Variants in FNDC3B observed in about 807,000 individuals in gnomAD.
The protein encoded by FNDC3B is fibronectin type III domain containing 3B.
In FNDC3B, 12 loss-of-function variants were observed where a neutral mutation model predicts 151.5. The ratio of observed to expected loss-of-function variants is 0.08; its 90% CI spans 0.05 to 0.13. FNDC3B has a LOEUF of 0.13. Among genes scored for constraint, FNDC3B ranks in the 10% least tolerant of loss-of-function variants. The pLI, the probability that FNDC3B is intolerant of heterozygous loss-of-function variation, is 1.00. For synonymous variants in FNDC3B, 528 were observed against 549.0 expected (o/e 0.96, Z 0.54); for missense variants, 1,214 against 1,505.3 (o/e 0.81, Z 3.20).
chr3:172,241,363 T>G (rs1908484), intron 4 of FNDC3B, among the ~76,000 whole-genome samples: 17,148 of 152,180 alleles, frequency 0.11, 1,840 homozygotes, highest in African/African-American at 0.29. Flanking sequence ...ATTAGTTGGT[T>G]TCTTCTAAGG....
At chr3:172,256,251 G>A (rs1263792077) in intron 6 of FNDC3B, among the ~76,000 whole-genome samples, 2 of 152,138 alleles carry the variant, frequency 1.3e-5, no homozygotes, top group African/African-American at 4.8e-5. Flanking sequence ...CTCCAACTCA[G>A]GCCTTCAAGA....
At chr3:172,188,510 A>G (rs911224147) in intron 3 of FNDC3B, among the ~76,000 whole-genome samples, 5 of 151,842 alleles carry the variant, frequency 3.3e-5, no homozygotes, top group East Asian at 1.9e-4. Context: ...GGTTCAAGCA[A>G]TTCTCCTGCC....
At chr3:172,301,301 T>C (rs1307040166) in intron 9 of FNDC3B, among the ~76,000 whole-genome samples, 2 of 152,250 alleles carry the variant, frequency 1.3e-5, no homozygotes, top group Admixed American at 6.5e-5. Context: ...GTTCTTTGAA[T>C]CTGTATATAG....
intron 25 of FNDC3B, among the ~76,000 whole-genome samples, chr3:172,382,667 C>T (rs1176169396): frequency 6.6e-6 from 1 of 152,064 alleles, no homozygotes; most frequent in African/African-American, 2.4e-5. Context: ...AAGGGGTCCA[C>T]TTTCAGTTTT....
intron 18 of FNDC3B, among the ~76,000 whole-genome samples, chr3:172,343,638 C>T (rs1285072): frequency 0.77 from 116,963 of 152,132 alleles, 45,120 homozygotes; most frequent in East Asian, 0.84. Context: ...TGTATAATTA[C>T]AAGTACAAAT....
At chr3:172,233,760 A>G (rs1376920266) in intron 4 of FNDC3B, among the ~76,000 whole-genome samples, 2 of 152,176 alleles carry the variant, frequency 1.3e-5, no homozygotes. Flanking sequence ...ATTCAGACCC[A>G]TTTGGTGGCC....
intron 2 of FNDC3B, among the ~76,000 whole-genome samples, chr3:172,124,245 C>T (rs987225569): frequency 3.9e-5 from 6 of 152,310 alleles, no homozygotes; most frequent in Middle Eastern, 3.4e-3. Flanking sequence ...CACCCACTAC[C>T]ACACCCTGTG....
intron 1 of FNDC3B, among the ~76,000 whole-genome samples, chr3:172,091,209 T>C (rs1244490628): frequency 1.3e-5 from 2 of 152,238 alleles, no homozygotes; most frequent in Non-Finnish European, 2.9e-5. Flanking sequence ...GTAACTGTTA[T>C]AGATACAAGT....
At chr3:172,141,029 C>G (rs548254123) in intron 3 of FNDC3B, among the ~76,000 whole-genome samples, 1 of 152,264 alleles carries the variant, frequency 6.6e-6, no homozygotes, top group African/African-American at 2.4e-5. Context: ...CCAATTTCCT[C>G]TCTTAAAATG....
At chr3:172,199,280 C>T (rs547748625) in intron 3 of FNDC3B, among the ~76,000 whole-genome samples, 3 of 151,038 alleles carry the variant, frequency 2.0e-5, no homozygotes, top group Admixed American at 1.3e-4. Context: ...CCCGGGTTCA[C>T]GCCATTCTCC....
intron 25 of FNDC3B, among the ~76,000 whole-genome samples, chr3:172,381,613 C>A (rs536036189): frequency 6.6e-6 from 1 of 152,032 alleles, no homozygotes; most frequent in South Asian, 2.1e-4. Flanking sequence ...AATGCTATCC[C>A]TCCCCTTGCC....
intron 22 of FNDC3B, among the ~76,000 whole-genome samples, chr3:172,354,908 G>C (rs1230821142): frequency 2.3e-5 from 3 of 131,110 alleles, no homozygotes; most frequent in Non-Finnish European, 4.9e-5. Context: ...GTTACATATT[G>C]TTCTCATACC....
At chr3:172,065,331 CAAAAG>C (rs768180818) in intron 1 of FNDC3B, among the ~76,000 whole-genome samples, 4 of 151,754 alleles carry the variant, frequency 2.6e-5, no homozygotes, top group Non-Finnish European at 4.4e-5. Context: ...GACTCCGACT[CAAAAG>C]AAAAAAAATT....
intron 25 of FNDC3B, among the ~76,000 whole-genome samples, chr3:172,392,138 G>C (rs906240355): frequency 6.6e-6 from 1 of 152,116 alleles, no homozygotes; most frequent in Admixed American, 6.5e-5. Flanking sequence ...ATCTTAAAAC[G>C]TTCATTTAGA....
chr3:172,328,410 T>C (rs1732466650), intron 11 of FNDC3B, among the ~76,000 whole-genome samples: 1 of 152,160 alleles, frequency 6.6e-6, no homozygotes, highest in Admixed American at 6.5e-5. Flanking sequence ...AGAATGTACT[T>C]GTGAAGGTAT....
intron 10 of FNDC3B, among the ~76,000 whole-genome samples, chr3:172,310,573 A>AGGTGGT (rs1174242220): frequency 1.3e-5 from 2 of 152,094 alleles, no homozygotes; most frequent in African/African-American, 4.8e-5. Context: ...AAAAAGGGAG[A>AGGTGGT]GGTGGTGGTG....
chr3:172,340,180 C>G (rs538041902), intron 16 of FNDC3B, among the ~76,000 whole-genome samples: 72 of 152,318 alleles, frequency 4.7e-4, no homozygotes, highest in Non-Finnish European at 6.8e-4. Context: ...TGGGGGGCAC[C>G]CAGACTCCTG....
intron 1 of FNDC3B, among the ~76,000 whole-genome samples, chr3:172,080,443 A>AATTTTT (rs5854458): frequency 6.7e-6 from 1 of 149,246 alleles, no homozygotes. Context: ...GCTAATTTAA[A>AATTTTT]TTTTTTTTTT....
chr3:172,238,632 G>A (rs948687184), intron 4 of FNDC3B, among the ~76,000 whole-genome samples: 2 of 152,150 alleles, frequency 1.3e-5, no homozygotes, highest in African/African-American at 4.8e-5. Flanking sequence ...TGGCTAGGGT[G>A]GGTACAGACC....
Sources: gnomAD v4.1 joint callset for allele counts (sites outside exome capture counted in the v4.1 genomes callset) on GRCh38, gnomAD v4.1.1 for gene constraint, MANE v1.5 for transcripts, NCBI Gene and HGNC (gene_info 2026-07-23, HGNC 2026-07-21) for gene names.